The following TMCC2 variants were observed in gnomAD, a reference collection of about 807,000 sequenced individuals.
The protein encoded by TMCC2 is transmembrane and coiled-coil domain family 2.
In TMCC2, 16 loss-of-function variants were observed where a neutral mutation model predicts 49.4. That is an observed-to-expected ratio of 0.32 (90% CI 0.22 to 0.49). The LOEUF is 0.49. Ranked by LOEUF, TMCC2 falls within the 20% of genes least tolerant of loss-of-function variation. The pLI, the probability that TMCC2 is intolerant of heterozygous loss-of-function variation, is 0.99. For missense variants in TMCC2, 762 were observed against 989.8 expected, an observed-to-expected ratio of 0.77 and a Z score of 3.09; for synonymous variants, 397 against 434.1, an observed-to-expected ratio of 0.91 and a Z score of 1.06.
intron 2 of TMCC2, chr1:205,256,327 C>T (rs1461389632): frequency 1.3e-6 from 2 of 1,550,376 alleles, no homozygotes; most frequent in Admixed American, 3.9e-5. Context: ...TCATTGTCCT[C>T]AGCTGTGGAC....
In TMCC2 at chr1:205,230,993, C is replaced by T. The variant is rs1314450129; in HGVS notation, c.207+2222C>T. On this transcript the variant is annotated intron_variant, in intron 1 of 4. Transcript: ENST00000358024. ...CCCGCGCCCCCATCCACCCCATCCCCCCATCCCCCCCCCCGCCCCCAGAGA... is the reference window on the plus strand; with the variant it reads ...CCCGCGCCCCCATCCACCCCATCCCTCCATCCCCCCCCCCGCCCCCAGAGA... Among the ~76,000 whole-genome samples the T allele has an allele frequency of 2.4e-4, 9 of 37,792 alleles. 1 individual carries two copies. Among genetic ancestry groups the T allele is most frequent in the African/African-American group, 5.3e-4 (9 of 17,088 alleles). The allele number at this position is 37,792 out of a possible 152,430, so 24.8% of individuals were successfully genotyped here. A position where few individuals can be genotyped will look rare whatever the true frequency, so the allele number is the denominator to read the frequency against.
intron 2 of TMCC2, among the ~76,000 whole-genome samples, chr1:205,255,943 G>A (rs1389057397): frequency 6.6e-6 from 1 of 152,166 alleles, no homozygotes; most frequent in African/African-American, 2.4e-5. Context: ...CCAGAAATTG[G>A]GACCTATGTA....
chr1:205,268,122 G>A, intron 2 of TMCC2: 1 of 975,332 alleles, frequency 1.0e-6, no homozygotes, highest in Non-Finnish European at 1.2e-6. Context: ...TGCGTTGTTA[G>A]TGAACATGGG....
intron 2 of TMCC2, among the ~76,000 whole-genome samples, chr1:205,252,743 G>A (rs989965098): frequency 2.6e-5 from 4 of 151,736 alleles, no homozygotes; most frequent in Non-Finnish European, 4.4e-5. Context: ...ACTTTTTAGC[G>A]TGGTTCTTTG....
chr1:205,253,305 G>GA lies in TMCC2; in HGVS notation c.747+11267dup, dbSNP rs554345550. ...AGGGAAGAGAAAGAAGGATGTGGAA[G>GA]AAAAAACTAAACTAAGGGGAACCCA... On this transcript the variant is annotated intron_variant, in intron 2 of 4. Transcript: ENST00000358024. Among the ~76,000 whole-genome samples, 741 of 152,236 alleles carry GA rather than the reference G, an allele frequency of 4.9e-3. 5 individuals are homozygous for GA. The highest frequency in any genetic ancestry group is 0.013 in the South Asian group (62 of 4,826).
intron 2 of TMCC2, among the ~76,000 whole-genome samples, chr1:205,249,606 G>A (rs1007856257): frequency 4.6e-5 from 7 of 152,214 alleles, no homozygotes; most frequent in African/African-American, 1.2e-4. Flanking sequence ...CTGTTCACAC[G>A]AATGCATCCA....
In TMCC2 at chr1:205,264,519, C is replaced by G. The variant is rs1020343840; in HGVS notation, c.748-4431C>G. On this transcript the variant is annotated intron_variant, in intron 2 of 4. Transcript: ENST00000358024. This position sits in a 1 kb window ranked among gnomAD's most constrained non-coding sequence, Gnocchi z 4.2. ...TTTTTTTTTGGGACGGAGTCTCGCT[C>G]TGTTGCCCAGGCTGCAGTGCAGTGG... Among the ~76,000 whole-genome samples the G allele has an allele frequency of 1.3e-5, 2 of 151,676 alleles. No homozygotes were observed. The highest frequency in any genetic ancestry group is 2.9e-5 in the Non-Finnish European group (2 of 67,938).
chr1:205,268,304 T>C (rs947276187), intron 2 of TMCC2, among the ~76,000 whole-genome samples: 1 of 152,226 alleles, frequency 6.6e-6, no homozygotes, highest in Non-Finnish European at 1.5e-5. Flanking sequence ...CTGGTCCATG[T>C]GCTGGAGCTT....
At chr1:205,271,076 G>A in intron 3 of TMCC2, 44 bp from the exon 4 acceptor site, 1 of 1,605,358 alleles carries the variant, frequency 6.2e-7, no homozygotes, top group South Asian at 1.1e-5. Flanking sequence ...GAGAGTGGAA[G>A]CTCGGGGAGC....
At position 205,228,779 on chromosome 1, in the gene TMCC2, C is replaced by G; in HGVS notation, c.207+8C>G. ...AAGCCTCCTGATTTAAAGGTGAGCG[C>G]AGACCATCCCCCCGGCAAGCCCAGC... On this transcript the variant is annotated splice_region_variant and intron_variant, in intron 1 of 4. Coordinates refer to ENST00000358024, the MANE Select transcript of TMCC2 (RefSeq NM_014858.4). The G allele has an allele frequency of 1.9e-6, 3 of 1,588,406 alleles. No individual in the cohort carries two copies. Among genetic ancestry groups the G allele is most frequent in the Non-Finnish European group, 2.6e-6 (3 of 1,168,022 alleles).
chr1:205,240,267 T>G (rs1660215040), intron 1 of TMCC2, among the ~76,000 whole-genome samples: 1 of 152,252 alleles, frequency 6.6e-6, no homozygotes. Context: ...CCACAGTTGC[T>G]CGCCCTGGCA....
rs752473926 is a variant in TMCC2 at position 205,242,004 on chromosome 1, T to G, written c.707T>G (p.Val236Gly). 6.2e-7 allele frequency: 1 copy of G among 1,606,444 alleles called. No homozygotes were observed. The highest frequency in any genetic ancestry group is 1.1e-5 in the South Asian group (1 of 90,348). The change falls in exon 2 of 5, where the codon GTG becomes GGG. Residue 236 changes from valine to glycine, a missense_variant. Coordinates refer to ENST00000358024, the MANE Select transcript of TMCC2 (RefSeq NM_014858.4). ...CTGCTGCTGGCCGACGGCAGCAACG[T>G]GTACCTCCTGGCTGAGGAGGCCGAA... Reference protein sequence around the residue: ...TALLLADGSNVYLLAEEAEGI... With the variant: ...TALLLADGSNGYLLAEEAEGI...
At chr1:205,240,030 A>C (rs1316318932) in intron 1 of TMCC2, among the ~76,000 whole-genome samples, 1 of 152,106 alleles carries the variant, frequency 6.6e-6, no homozygotes, top group African/African-American at 2.4e-5. Flanking sequence ...TAAATGACTG[A>C]GGCAGCCTGG....
Position 205,264,614 on chromosome 1 carries a change from A to AGCT in TMCC2, c.748-4334_748-4332dup, listed in dbSNP as rs1466252349. On this transcript the variant is annotated intron_variant, in intron 2 of 4. Coordinates refer to ENST00000358024, the MANE Select transcript of TMCC2 (RefSeq NM_014858.4). The surrounding 1 kb of genome is among the most constrained non-coding windows in gnomAD (Gnocchi z 4.2). ...ATTCTCCCGCCTCAGCCTCCCGAGT[A>AGCT]GCTGGGACTACGGGTGCCCGCCACC... Among the ~76,000 whole-genome samples, 1 of 151,978 alleles carries AGCT rather than the reference A, an allele frequency of 6.6e-6. No homozygotes were observed. The highest frequency in any genetic ancestry group is 2.4e-5 in the African/African-American group (1 of 41,338).
chr1:205,243,681 G>A (rs1382402233), intron 2 of TMCC2, among the ~76,000 whole-genome samples: 1 of 152,224 alleles, frequency 6.6e-6, no homozygotes, highest in Non-Finnish European at 1.5e-5. Context: ...ATGTTTTGGG[G>A]GGAAGGTGAT....
chr1:205,265,191 G>T (rs1344198643), intron 2 of TMCC2, among the ~76,000 whole-genome samples: 1 of 152,152 alleles, frequency 6.6e-6, no homozygotes, highest in Non-Finnish European at 1.5e-5. Context: ...GGACGAGGGG[G>T]CCAGGGCTTC....
rs1409127176 is a variant in TMCC2 at position 205,271,816 on chromosome 1, GCCGTGGAGT to G, written c.1825_1833del (p.Val609_Ser611del). ...GCCAGCCCCTCTGCCCCTGCAGGAG[GCCGTGGAGT>G]CCTGCCTGACCCGGGTCACCAAGCT... On this transcript the variant is annotated inframe_deletion, in exon 5 of 5. Transcript: ENST00000358024. The G allele has an allele frequency of 3.1e-6, 5 of 1,609,414 alleles. No individual in the cohort carries two copies. The highest frequency in any genetic ancestry group is 4.2e-6 in the Non-Finnish European group (5 of 1,179,550).
At chr1:205,240,952 GA>G (rs929077215) in intron 1 of TMCC2, among the ~76,000 whole-genome samples, 1 of 152,220 alleles carries the variant, frequency 6.6e-6, no homozygotes, top group African/African-American at 2.4e-5. Context: ...TGGTTGGTAA[GA>G]AAGAAAAATA....
intron 2 of TMCC2, among the ~76,000 whole-genome samples, chr1:205,267,460 A>G (rs924169683): frequency 7.2e-5 from 11 of 152,130 alleles, no homozygotes; most frequent in African/African-American, 2.4e-4. Context: ...TACTAAGGGC[A>G]AATGATCTGA....
Sources: gnomAD v4.1 joint callset for allele counts (sites outside exome capture counted in the v4.1 genomes callset) on GRCh38, gnomAD v4.1.1 for gene constraint, Gnocchi (gnomAD v3.1) non-coding constraint, MANE v1.5 for transcripts, NCBI Gene and HGNC (gene_info 2026-07-23, HGNC 2026-07-21) for gene names.